Variants in HTR4 observed in about 807,000 individuals in gnomAD.
HTR4 encodes the protein 5-hydroxytryptamine (serotonin) receptor 4, G protein-coupled.
A neutral mutation model predicts 36.8 loss-of-function variants in HTR4; 16 were observed. The observed-to-expected ratio is 0.43, with a 90% CI of 0.29 to 0.66. The LOEUF (loss-of-function observed/expected upper bound fraction) is 0.66, where lower values mean the gene tolerates loss of function less well. Among genes scored for constraint, HTR4 ranks in the 30% least tolerant of loss-of-function variants. HTR4 has a pLI of 0.13. For synonymous variants in HTR4, 189 were observed against 185.1 expected (o/e 1.02, Z -0.17); for missense variants, 438 against 490.9 (o/e 0.89, Z 1.02).
intron 4 of HTR4, among the ~76,000 whole-genome samples, chr5:148,534,782 G>A (rs1321387206): frequency 6.6e-6 from 1 of 151,946 alleles, no homozygotes; most frequent in Non-Finnish European, 1.5e-5. Flanking sequence ...AGCAATTCCT[G>A]ACCTCAATCT....
chr5:148,487,674 A>G (rs1425363826), intron 6 of HTR4, among the ~76,000 whole-genome samples: 1 of 150,914 alleles, frequency 6.6e-6, no homozygotes, highest in Non-Finnish European at 1.5e-5. Flanking sequence ...TATTCATACC[A>G]GAGAGCGAGC....
chr5:148,596,026 A>C (rs1761757745), intron 2 of HTR4, among the ~76,000 whole-genome samples: 1 of 152,246 alleles, frequency 6.6e-6, no homozygotes, highest in Non-Finnish European at 1.5e-5. Context: ...GCTGCAAATC[A>C]ATTGCAGCAT....
chr5:148,452,489 C>CTAG (rs1581325985), intron 5 of HTR4, among the ~76,000 whole-genome samples: 1 of 152,194 alleles, frequency 6.6e-6, no homozygotes, highest in Admixed American at 6.5e-5. Context: ...CTACTGGCAC[C>CTAG]TAGCGGGTAG....
intron 6 of HTR4, chr5:148,509,201 G>C (rs1441490984): frequency 2.4e-6 from 1 of 418,374 alleles, no homozygotes; most frequent in African/African-American, 2.0e-5. Flanking sequence ...ATGAAATTGA[G>C]GTTAATAATG....
chr5:148,484,000 C>A (rs1756028744), intron 6 of HTR4, among the ~76,000 whole-genome samples: 1 of 151,428 alleles, frequency 6.6e-6, no homozygotes, highest in African/African-American at 2.4e-5. Context: ...TATAAACCAT[C>A]ACATTTTACT....
chr5:148,628,541 G>A (rs1753206436), intron 2 of HTR4: 1 of 152,118 alleles, frequency 6.6e-6, no homozygotes, highest in Middle Eastern at 3.2e-3. Context: ...ATATACCTTA[G>A]GAGATAGTTT....
chr5:148,549,087 C>T (rs949892176), intron 3 of HTR4, among the ~76,000 whole-genome samples: 3 of 152,184 alleles, frequency 2.0e-5, no homozygotes, highest in East Asian at 3.9e-4. Flanking sequence ...GTGGTCCAGC[C>T]TCTCCTGACT....
chr5:148,519,297 A>C (rs1757900706), intron 5 of HTR4, among the ~76,000 whole-genome samples: 1 of 152,154 alleles, frequency 6.6e-6, no homozygotes, highest in South Asian at 2.1e-4. Context: ...GAAAATTATT[A>C]TGTGAACCCT....
downstream of HTR4, among the ~76,000 whole-genome samples, chr5:148,474,980 G>T (rs1755660986): frequency 6.6e-6 from 1 of 152,006 alleles, no homozygotes; most frequent in African/African-American, 2.4e-5. Flanking sequence ...GGGAGGCAGA[G>T]GTTGCAGTGA....
intron 2 of HTR4, among the ~76,000 whole-genome samples, chr5:148,586,650 T>C (rs1179398371): frequency 6.6e-6 from 1 of 152,068 alleles, no homozygotes; most frequent in African/African-American, 2.4e-5. Flanking sequence ...CAATTAGAGA[T>C]GAGATTTGGG....
At chr5:148,532,722 T>C (rs1325956831) in intron 4 of HTR4, among the ~76,000 whole-genome samples, 2 of 152,162 alleles carry the variant, frequency 1.3e-5, no homozygotes, top group Non-Finnish European at 2.9e-5. Context: ...AAGAGTAAAG[T>C]TAATGAAATT....
intron 5 of HTR4, among the ~76,000 whole-genome samples, chr5:148,470,144 A>G (rs1417751247): frequency 6.6e-6 from 1 of 152,246 alleles, no homozygotes; most frequent in Non-Finnish European, 1.5e-5. Context: ...GATGGTCACT[A>G]TCTTATTTAA....
chr5:148,574,384 T>TCA (rs1760803203), intron 2 of HTR4, among the ~76,000 whole-genome samples: 1 of 142,168 alleles, frequency 7.0e-6, no homozygotes, highest in African/African-American at 2.9e-5. Context: ...TGTAAGGCTC[T>TCA]CGCGCGCTCT....
At chr5:148,532,347 T>A (rs1294043587) in intron 4 of HTR4, among the ~76,000 whole-genome samples, 1 of 152,236 alleles carries the variant, frequency 6.6e-6, no homozygotes, top group African/African-American at 2.4e-5. Flanking sequence ...AGGACAGCAA[T>A]GTTTGCCTTG....
At chr5:148,591,042 C>T (rs1444244412) in intron 2 of HTR4, among the ~76,000 whole-genome samples, 2 of 152,106 alleles carry the variant, frequency 1.3e-5, no homozygotes, top group Admixed American at 6.5e-5. Flanking sequence ...CAATCTTCTG[C>T]GTATGGCTAG....
At chr5:148,577,859 C>T (rs1018479796) in intron 2 of HTR4, among the ~76,000 whole-genome samples, 6 of 151,858 alleles carry the variant, frequency 4.0e-5, no homozygotes, top group African/African-American at 1.4e-4. Context: ...GAAAAGATAA[C>T]TATTGGGTGC....
At chr5:148,615,858 C>T (rs1021895994) in intron 2 of HTR4, among the ~76,000 whole-genome samples, 2 of 152,118 alleles carry the variant, frequency 1.3e-5, no homozygotes, top group Non-Finnish European at 2.9e-5. Context: ...CAGCGGGAGC[C>T]AAAATACTTT....
intron 1 of HTR4, among the ~76,000 whole-genome samples, chr5:148,638,818 G>C (rs756910667): frequency 3.3e-5 from 5 of 152,090 alleles, no homozygotes; most frequent in African/African-American, 7.2e-5. Context: ...ACTTTGGGGG[G>C]CCTAGGTGAG....
At chr5:148,456,811 G>A (rs1185523573) in intron 5 of HTR4, among the ~76,000 whole-genome samples, 1 of 152,188 alleles carries the variant, frequency 6.6e-6, no homozygotes, top group Non-Finnish European at 1.5e-5. Flanking sequence ...AAATGTTCTG[G>A]CTTGTTGTAG....
Sources: allele counts gnomAD v4.1 joint callset (sites outside exome capture counted in the v4.1 genomes callset), GRCh38; gene constraint gnomAD v4.1.1; transcripts MANE v1.5; gene names NCBI Gene and HGNC (gene_info 2026-07-23, HGNC 2026-07-21).